Variants in EDAR observed in about 807,000 individuals in gnomAD.
EDAR encodes tumor necrosis factor receptor superfamily member EDAR.
EDAR carries 38 observed loss-of-function variants against 51.3 expected under a neutral mutation model. The ratio of observed to expected loss-of-function variants is 0.74; its 90% CI spans 0.57 to 0.97. EDAR has a LOEUF of 0.97. Among genes scored for constraint, EDAR ranks in the 50% least tolerant of loss-of-function variants. The pLI is 0.00. For synonymous variants in EDAR, 227 were observed against 242.1 expected (o/e 0.94, Z 0.58); for missense variants, 528 against 595.0 (o/e 0.89, Z 1.17).
intron 11 of EDAR, among the ~76,000 whole-genome samples, chr2:108,899,422 A>C (rs2105375862): frequency 6.6e-6 from 1 of 152,356 alleles, no homozygotes; most frequent in African/African-American, 2.4e-5. Context: ...CTATCCTAAA[A>C]GAAGCAAAAG....
chr2:108,923,385 G>C lies in EDAR; in HGVS notation c.425C>G (p.Pro142Arg). ...ACACTCACATTCCTTGGTGTTGGGG[G>C]GTGCCAGGAGGCAGGAGTAGCAGAC... Reference protein sequence around the residue: ...GMVCYSCLLAPPNTKECVGAT... With the variant: ...GMVCYSCLLARPNTKECVGAT... Residue 142 changes from proline to arginine, a missense_variant, in exon 5 of 12, where the codon CCC (proline) becomes CGC (arginine). By Grantham distance (103) the Pro-to-Arg change is moderately radical. Coordinates refer to ENST00000258443, the MANE Select transcript of EDAR (RefSeq NM_022336.4). 6.2e-7 allele frequency: 1 copy of C among 1,614,192 alleles called. No homozygotes were observed. The highest frequency in any genetic ancestry group is 2.2e-5 in the East Asian group (1 of 44,890).
intron 11 of EDAR, among the ~76,000 whole-genome samples, chr2:108,904,632 G>GA (rs1696768402): frequency 1.3e-5 from 2 of 152,340 alleles, no homozygotes; most frequent in Admixed American, 1.3e-4. Flanking sequence ...TACTCAGCAA[G>GA]AGAGAGGAAT....
At chr2:108,923,247 A>T in intron 5 of EDAR, 121 bp downstream of exon 5, 2 of 956,294 alleles carry the variant, frequency 2.1e-6, no homozygotes, top group Non-Finnish European at 3.4e-6. Context: ...CACTTTCACT[A>T]GTGCTGTTAC....
At chr2:108,959,775 T>A (rs1698003008) in intron 1 of EDAR, among the ~76,000 whole-genome samples, 1 of 152,198 alleles carries the variant, frequency 6.6e-6, no homozygotes, top group Non-Finnish European at 1.5e-5. Context: ...TGAGGAGTGC[T>A]GGCTGAAAAT....
At chr2:108,917,252 A>G (rs1392533352) in intron 5 of EDAR, among the ~76,000 whole-genome samples, 1 of 152,204 alleles carries the variant, frequency 6.6e-6, no homozygotes, top group Non-Finnish European at 1.5e-5. Flanking sequence ...TGGATCTCAT[A>G]GAAGTGGAGC....
intron 1 of EDAR, among the ~76,000 whole-genome samples, chr2:108,952,475 C>T (rs1444200491): frequency 6.6e-6 from 1 of 152,196 alleles, no homozygotes. Flanking sequence ...TTCACTGCTT[C>T]TCTCTTCTAC....
intron 1 of EDAR, among the ~76,000 whole-genome samples, chr2:108,935,168 C>T (rs531997047): frequency 7.2e-5 from 11 of 152,184 alleles, no homozygotes; most frequent in Non-Finnish European, 1.2e-4. Context: ...TTCTCTTCCC[C>T]GACCTGCTCT....
At chr2:108,926,601 G>A (rs1161025864) in intron 4 of EDAR, among the ~76,000 whole-genome samples, 2 of 152,202 alleles carry the variant, frequency 1.3e-5, no homozygotes, top group African/African-American at 4.8e-5. Context: ...CCGGGGTGAG[G>A]CCTGGAGAGG....
Position 108,896,584 on chromosome 2 carries a change from T to G in EDAR, c.*323A>C. On this transcript the variant is annotated 3_prime_UTR_variant, in exon 12 of 12. Transcript: ENST00000258443. ...CTTCACTTCTGTCATTCCCACGGGGTTTGATTCATTTGAGTCCTCAACATT... is the reference window on the plus strand; with the variant it reads ...CTTCACTTCTGTCATTCCCACGGGGGTTGATTCATTTGAGTCCTCAACATT... 3.3e-6 allele frequency: 1 copy of G among 303,374 alleles called. No homozygotes were observed. The highest frequency in any genetic ancestry group is 6.2e-6 in the Non-Finnish European group (1 of 161,004). The allele number at this position is 303,374 out of a possible 1,614,324, so 18.8% of individuals were successfully genotyped here.
At chr2:108,944,562 C>T (rs370820904) in intron 1 of EDAR, among the ~76,000 whole-genome samples, 147 of 152,244 alleles carry the variant, frequency 9.7e-4, no homozygotes, top group Middle Eastern at 3.4e-3. Context: ...TGATAATGGG[C>T]TCCTTCACAA....
rs60651168 is a variant in EDAR at position 108,935,635 on chromosome 2, A to G, written c.-18-4603T>C. On this transcript the variant is annotated intron_variant, in intron 1 of 11. Coordinates refer to ENST00000258443, the MANE Select transcript of EDAR (RefSeq NM_022336.4). ...CTTCCAAAGAACAAATGCCGTCATT[A>G]GCACCCCTTTTCACACACACACACA... 6.0e-4 allele frequency among the ~76,000 whole-genome samples: 91 copies of G among 152,172 alleles called. No individual in the cohort carries two copies. The East Asian group carries it at 0.017, about 29-fold the overall frequency.
chr2:108,907,939 T>C lies in EDAR; in HGVS notation c.884A>G (p.Gln295Arg), dbSNP rs1295052634. ...DSDEEPAPDK[Q>R]GSPELCLLSL... ...CAGCAGGCACAGCTCCGGGGAGCCC[T>C]GCTTGTCAGGGGCGGGCTCCTCATC... Residue 295 changes from glutamine (Q) to arginine (R), a missense_variant, in exon 10 of 12, where the codon CAG (glutamine) becomes CGG (arginine). Gln to Arg is a conservative substitution (Grantham distance 43). Coordinates refer to ENST00000258443, the MANE Select transcript of EDAR (RefSeq NM_022336.4). 1 of 1,613,658 alleles carries C rather than the reference T, an allele frequency of 6.2e-7. No homozygotes were observed. The highest frequency in any genetic ancestry group is 8.5e-7 in the Non-Finnish European group (1 of 1,180,006).
chr2:108,962,522 A>C (rs570317432), intron 1 of EDAR, among the ~76,000 whole-genome samples: 13 of 151,842 alleles, frequency 8.6e-5, no homozygotes, highest in Non-Finnish European at 1.6e-4. Flanking sequence ...AAATACAAAA[A>C]AAATTAGCCG....
In EDAR at chr2:108,955,190, C is replaced by G. The variant is rs905089991; in HGVS notation, c.-18-24158G>C. On this transcript the variant is annotated intron_variant, in intron 1 of 11. Coordinates refer to ENST00000258443, the MANE Select transcript of EDAR (RefSeq NM_022336.4). ...GGGCAAGTAATCTAAATGTCTGTGCCTTGGTTGTCTCATCAGTAAAATTAT... is the reference window on the plus strand; with the variant it reads ...GGGCAAGTAATCTAAATGTCTGTGCGTTGGTTGTCTCATCAGTAAAATTAT... Among the ~76,000 whole-genome samples, 8 of 152,112 alleles carry G rather than the reference C, an allele frequency of 5.3e-5. No homozygotes were observed. The South Asian group carries it at 8.3e-4, about 16-fold the overall frequency.
intron 1 of EDAR, among the ~76,000 whole-genome samples, chr2:108,947,931 T>G (rs1418104739): frequency 2.0e-5 from 3 of 152,234 alleles, no homozygotes; most frequent in African/African-American, 7.2e-5. Flanking sequence ...TTCTACCATA[T>G]AGTTAGGTTG....
intron 1 of EDAR, among the ~76,000 whole-genome samples, chr2:108,972,185 T>C (rs1485828419): frequency 6.6e-6 from 1 of 152,254 alleles, no homozygotes; most frequent in African/African-American, 2.4e-5. Flanking sequence ...CAGTTACATT[T>C]GGGAGTCATT....
At chr2:108,950,176 G>A (rs1379283139) in intron 1 of EDAR, among the ~76,000 whole-genome samples, 3 of 152,052 alleles carry the variant, frequency 2.0e-5, no homozygotes, top group East Asian at 1.9e-4. Flanking sequence ...AAGATGTCAT[G>A]TCTTTTTTCT....
chr2:108,970,159 C>T (rs907239663), intron 1 of EDAR, among the ~76,000 whole-genome samples: 1 of 152,156 alleles, frequency 6.6e-6, no homozygotes, highest in African/African-American at 2.4e-5. Flanking sequence ...AGGGGAGCAT[C>T]GCCTGGGAGC....
intron 9 of EDAR, among the ~76,000 whole-genome samples, chr2:108,909,478 G>T (rs1233920130): frequency 6.8e-5 from 2 of 29,326 alleles, no homozygotes; most frequent in East Asian, 3.5e-3. Context: ...GGGCAGGAGA[G>T]GAGGGCTTAA....
Sources: allele counts gnomAD v4.1 joint callset (sites outside exome capture counted in the v4.1 genomes callset), GRCh38; gene constraint gnomAD v4.1.1; transcripts MANE v1.5; gene names NCBI Gene and HGNC (gene_info 2026-07-23, HGNC 2026-07-21).